The following LZTS3 variants were observed in gnomAD, a reference collection of about 807,000 sequenced individuals.
The protein encoded by LZTS3 is leucine zipper putative tumor suppressor 3.
In LZTS3, 16 loss-of-function variants were observed where a neutral mutation model predicts 50.9. The observed-to-expected ratio is 0.31, with a 90% confidence interval of 0.21 to 0.48. The LOEUF is 0.48. Among genes scored for constraint, LZTS3 ranks in the 20% least tolerant of loss-of-function variants. The pLI, the probability that LZTS3 is intolerant of heterozygous loss-of-function variation, is 0.99. For missense variants in LZTS3, 816 were observed against 931.0 expected (o/e 0.88, Z 1.61); for synonymous variants, 408 against 410.6 (o/e 0.99, Z 0.08).
chr20:3,163,232 G>C lies in LZTS3; in HGVS notation c.*1222C>G, dbSNP rs2122154003. 6.5e-6 allele frequency: 1 copy of C among 152,780 alleles called. No homozygotes were observed. The highest frequency in any genetic ancestry group is 3.4e-3 in the Middle Eastern group (1 of 296). The allele number at this position is 152,780 out of a possible 1,614,324, so 9.5% of individuals were successfully genotyped here. A position where few individuals can be genotyped will look rare whatever the true frequency, so the allele number is the denominator to read the frequency against. ...GATAGACTCTGAGAGGGCCCCAAGA[G>C]AAGCAGCTGACATTGGCTGACCTAA... On this transcript the variant is annotated 3_prime_UTR_variant, in exon 5 of 5. Transcript: ENST00000337576. The surrounding 1 kb of genome is among the most constrained non-coding windows in gnomAD (Gnocchi z 5.2).
chr20:3,170,955 A>G (rs915445723), intron 1 of LZTS3, among the ~76,000 whole-genome samples: 7 of 152,200 alleles, frequency 4.6e-5, no homozygotes, highest in Non-Finnish European at 1.0e-4. Context: ...AAAATTAACC[A>G]TGGTAGAAAC....
Position 3,164,419 on chromosome 20 carries a change from A to G in LZTS3, c.*35T>C, listed in dbSNP as rs2066774063. The G allele has an allele frequency of 6.7e-7, 1 of 1,496,248 alleles. No individual in the cohort carries two copies. Among genetic ancestry groups the G allele is most frequent in the Non-Finnish European group, 8.9e-7 (1 of 1,121,688 alleles). The allele number at this position is 1,496,248 out of a possible 1,614,324, so 92.7% of individuals were successfully genotyped here. On this transcript the variant is annotated 3_prime_UTR_variant, in exon 5 of 5. Transcript: ENST00000337576. The stretch of plus-strand genomic sequence containing the variant: ...ACACTGGGGACTCTGGCCTTTTGAC[A>G]GGACATGTGTCAAAATGCCGAGTGC...
Position 3,164,448 on chromosome 20 carries a change from G to C in LZTS3, c.*6C>G, listed in dbSNP as rs369843667. 3.0e-5 allele frequency: 46 copies of C among 1,517,376 alleles called. No homozygotes were observed. The African/African-American group carries it at 5.9e-4, about 20-fold the overall frequency. 94.0% of individuals were successfully genotyped at this position (1,517,376 alleles called of 1,614,324 possible). On this transcript the variant is annotated 3_prime_UTR_variant, in exon 5 of 5. Coordinates refer to ENST00000337576, the MANE Select transcript of LZTS3 (RefSeq NM_001365618.1). ...CATGTGTCAAAATGCCGAGTGCCCAGGTCGATCAGATTTCTGTGGACTCAA... is the reference window on the plus strand; with the variant it reads ...CATGTGTCAAAATGCCGAGTGCCCACGTCGATCAGATTTCTGTGGACTCAA...
At chr20:3,171,698 G>T (rs1019209595) in intron 1 of LZTS3, among the ~76,000 whole-genome samples, 7 of 151,756 alleles carry the variant, frequency 4.6e-5, no homozygotes, top group African/African-American at 1.5e-4. Flanking sequence ...CAGGACACCG[G>T]CAGGACAAGG....
In LZTS3 at chr20:3,167,092, C is replaced by T. The variant is rs764272053; in HGVS notation, c.72G>A (p.Arg24=). The T allele has an allele frequency of 8.2e-5, 126 of 1,537,650 alleles. No homozygotes were observed. In the South Asian group the frequency reaches 1.1e-3, roughly 14 times the overall value. Residue 24 remains arginine (R), a synonymous_variant, in exon 3 of 5, where the codon CGG becomes CGA. Transcript: ENST00000337576. The stretch of plus-strand genomic sequence containing the variant: ...GGTCCGGGGGTCCAAGCTCGGAGGG[C>T]CGTGGGGCAAAGGCCAGGAGAGGAT... The part of the protein sequence containing the change: ...GRDPLLAFAP[R]PSELGPPDPR...
rs371313262 is a variant in LZTS3 at position 3,166,781 on chromosome 20, C to T, written c.383G>A (p.Ser128Asn). 6.8e-5 allele frequency: 110 copies of T among 1,613,742 alleles called. No homozygotes were observed. Among genetic ancestry groups the T allele is most frequent in the Admixed American group, 8.3e-5 (5 of 60,014 alleles). Residue 128 changes from serine to asparagine, a missense_variant, in exon 3 of 5, where the codon AGT (serine) becomes AAT (asparagine). This residue lies in a region of LZTS3 where 700 missense variants were observed against 769.4 expected (regional missense o/e 0.91). Coordinates refer to ENST00000337576, the MANE Select transcript of LZTS3 (RefSeq NM_001365618.1). Reference protein sequence around the residue: ...SSGGSSSSGGSDKAPPQYREP... With the variant: ...SSGGSSSSGGNDKAPPQYREP... ...ACGATACTGCGGTGGGGCTTTGTCA[C>T]TGCCACCACTGCTGCTGCTGCCTCC...
At chr20:3,173,123 G>A (rs983146344) in intron 1 of LZTS3, among the ~76,000 whole-genome samples, 7 of 152,104 alleles carry the variant, frequency 4.6e-5, no homozygotes, top group Admixed American at 1.3e-4. Flanking sequence ...CCCAGCCACA[G>A]GCCACAGGAC....
Position 3,165,364 on chromosome 20 carries a change from T to C in LZTS3, c.1323+133A>G, listed in dbSNP as rs566139541. ...CTCGGGTCCTCACAGACACTCCCAA[T>C]TGATTTTTGTCCCCCCTGCTCCTTT... On this transcript the variant is annotated intron_variant, in intron 4 of 4. Coordinates refer to ENST00000337576, the MANE Select transcript of LZTS3 (RefSeq NM_001365618.1). The surrounding 1 kb of genome is among the most constrained non-coding windows in gnomAD (Gnocchi z 5.0). The C allele has an allele frequency of 1.1e-4, 151 of 1,374,066 alleles. 3 individuals carry two copies. In the African/African-American group the frequency reaches 1.5e-3, roughly 14 times the overall value. The allele number at this position is 1,374,066 out of a possible 1,614,324, so 85.1% of individuals were successfully genotyped here.
Position 3,164,315 on chromosome 20 carries a change from A to C in LZTS3, c.*139T>G. ...CTAGGAGGGCAGGTGGGGAGGGAGG[A>C]ACCTGGTCACAGCTGCTTAGAGAAC... On this transcript the variant is annotated 3_prime_UTR_variant, in exon 5 of 5. Coordinates refer to ENST00000337576, the MANE Select transcript of LZTS3 (RefSeq NM_001365618.1). The C allele has an allele frequency of 1.1e-6, 1 of 907,612 alleles. No individual in the cohort carries two copies. Among genetic ancestry groups the C allele is most frequent in the Non-Finnish European group, 1.5e-6 (1 of 647,402 alleles). The allele number at this position is 907,612 out of a possible 1,614,324, so 56.2% of individuals were successfully genotyped here.
At position 3,164,727 on chromosome 20, in the gene LZTS3, C is replaced by G; in HGVS notation, c.1749G>C (p.Glu583Asp). Reference sequence around the variant, plus strand: ...CCCGGGCCCGCCGCTCAGCCGCCAGCTCGGCCTGCAGCCGCCCCACCTCCC... The same window carrying G: ...CCCGGGCCCGCCGCTCAGCCGCCAGGTCGGCCTGCAGCCGCCCCACCTCCC... Reference protein sequence around the residue: ...LRREVGRLQAELAAERRARER... With the variant: ...LRREVGRLQADLAAERRARER... The change falls in exon 5 of 5, where the codon GAG (glutamate) becomes GAC (aspartate). Residue 583 changes from glutamate to aspartate, a missense_variant. Coordinates refer to ENST00000337576, the MANE Select transcript of LZTS3 (RefSeq NM_001365618.1). 1.3e-6 allele frequency: 2 copies of G among 1,554,624 alleles called. No homozygotes were observed. Among genetic ancestry groups the G allele is most frequent in the Non-Finnish European group, 1.7e-6 (2 of 1,152,224 alleles).
chr20:3,165,817 C>G lies in LZTS3; in HGVS notation c.1003G>C (p.Val335Leu). ...EERLWEKEQE[V>L]AALRRSLEQS... is the part of the protein sequence containing the mutation. ...TCCAGGCTGCGCCGCAGAGCTGCCA[C>G]CTCCTGCTCCTTCTCCCACAGCCGC... is the stretch of plus-strand genomic sequence containing the variant. Residue 335 changes from valine (V) to leucine (L), a missense_variant, in exon 4 of 5, where the codon GTG becomes CTG. This residue lies in a region of LZTS3 where 700 missense variants were observed against 769.4 expected (regional missense o/e 0.91). Transcript: ENST00000337576. The surrounding 1 kb of genome is among the most constrained non-coding windows in gnomAD (Gnocchi z 5.0). The G allele has an allele frequency of 6.2e-7, 1 of 1,601,390 alleles. No individual in the cohort carries two copies. The highest frequency in any genetic ancestry group is 8.5e-7 in the Non-Finnish European group (1 of 1,178,638).
chr20:3,165,785 G>A lies in LZTS3; in HGVS notation c.1035C>T (p.Ser345=), dbSNP rs1479677930. The A allele has an allele frequency of 1.3e-6, 2 of 1,589,320 alleles. No homozygotes were observed. Among genetic ancestry groups the A allele is most frequent in the Non-Finnish European group, 1.7e-6 (2 of 1,174,158 alleles). Residue 345 remains serine (S), a synonymous_variant, in exon 4 of 5, where the codon AGC becomes AGT. Coordinates refer to ENST00000337576, the MANE Select transcript of LZTS3 (RefSeq NM_001365618.1). This position sits in a 1 kb window ranked among gnomAD's most constrained non-coding sequence, Gnocchi z 5.0. ...CCAGTACCTGGGCCACAGCCGCCTCGCTCTGCTCCAGGCTGCGCCGCAGAG... is the reference window on the plus strand; with the variant it reads ...CCAGTACCTGGGCCACAGCCGCCTCACTCTGCTCCAGGCTGCGCCGCAGAG... ...VAALRRSLEQ[S]EAAVAQVLEE...
At chr20:3,170,827 A>C (rs541200196) in intron 1 of LZTS3, among the ~76,000 whole-genome samples, 1 of 152,314 alleles carries the variant, frequency 6.6e-6, no homozygotes, top group East Asian at 1.9e-4. Context: ...AAAAAGTGGT[A>C]CAAAACAAAG....
intron 1 of LZTS3, among the ~76,000 whole-genome samples, chr20:3,171,042 ACC>A (rs1310372170): frequency 1.3e-4 from 20 of 152,332 alleles, no homozygotes; most frequent in African/African-American, 4.6e-4. Flanking sequence ...AGGTGACTGC[ACC>A]AGATACCTGG....
chr20:3,164,545 C>A lies in LZTS3; in HGVS notation c.1931G>T (p.Gly644Val), dbSNP rs144338308. ...ERRLRERGAA[G>V]GASTPTPQHG... ...CTGGGGAGTGGGCGTGCTTGCACCC[C>A]CTGCGGCCCCGCGCTCCCGCAGCCT... Residue 644 changes from glycine (G) to valine (V), a missense_variant, in exon 5 of 5, where the codon GGG becomes GTG. Around this residue, in one of 3 missense-constraint regions of LZTS3, gnomAD observed 107 missense variants for 130.4 expected, o/e 0.82. Transcript: ENST00000337576. The A allele has an allele frequency of 1.2e-6, 2 of 1,605,672 alleles. No individual in the cohort carries two copies. The highest frequency in any genetic ancestry group is 2.2e-5 in the South Asian group (2 of 89,788).
intron 2 of LZTS3, 135 bp downstream of exon 2, chr20:3,167,603 G>A (rs998613870): frequency 1.0e-6 from 1 of 993,928 alleles, no homozygotes; most frequent in Admixed American, 6.0e-5. Context: ...CCAACCTCAT[G>A]GGCTGGGGAA....
chr20:3,166,598 C>T, intron 3 of LZTS3, 107 bp downstream of exon 3: 6 of 1,411,118 alleles, frequency 4.3e-6, no homozygotes, highest in Non-Finnish European at 5.8e-6. Flanking sequence ...CAGCCTCCAT[C>T]CTGCCCCCAC....
At chr20:3,166,404 T>G in intron 3 of LZTS3, 44 bp from the exon 4 acceptor site, 2 of 1,551,114 alleles carry the variant, frequency 1.3e-6, no homozygotes, top group South Asian at 2.5e-5. Context: ...GATGAGGCCT[T>G]GGGCTTGGCC....
chr20:3,165,485 C>A lies in LZTS3; in HGVS notation c.1323+12G>T. On this transcript the variant is annotated intron_variant, in intron 4 of 4. Transcript: ENST00000337576. This position sits in a 1 kb window ranked among gnomAD's most constrained non-coding sequence, Gnocchi z 5.0. Reference sequence around the variant, plus strand: ...GGGAGGCAGAGGGGAGGCCCAGATCCCCAGCCCGCACCTCCCACTTAGTTT... The same window carrying A: ...GGGAGGCAGAGGGGAGGCCCAGATCACCAGCCCGCACCTCCCACTTAGTTT... 6.6e-7 allele frequency: 1 copy of A among 1,515,584 alleles called. No homozygotes were observed. The highest frequency in any genetic ancestry group is 1.3e-5 in the South Asian group (1 of 78,890). 93.9% of individuals were successfully genotyped at this position (1,515,584 alleles called of 1,614,324 possible). A position where few individuals can be genotyped will look rare whatever the true frequency, so the allele number is the denominator to read the frequency against.
Sources: allele counts gnomAD v4.1 joint callset (sites outside exome capture counted in the v4.1 genomes callset), GRCh38; gene constraint gnomAD v4.1.1; regional missense constraint gnomAD v4.1.1; non-coding constraint Gnocchi (gnomAD v3.1); transcripts MANE v1.5; gene names NCBI Gene and HGNC (gene_info 2026-07-23, HGNC 2026-07-21).